PCCA: variants seen among roughly 807,000 people sequenced by gnomAD.
PCCA encodes propionyl-CoA carboxylase alpha chain, mitochondrial.
PCCA carries 74 observed loss-of-function variants against 101.3 expected under a neutral mutation model. That is an observed-to-expected ratio of 0.73 (90% confidence interval 0.61 to 0.89). The LOEUF is 0.89. Among genes scored for constraint, PCCA ranks in the 40% least tolerant of loss-of-function variants. PCCA has a pLI of 0.00. For synonymous variants in PCCA, 294 were observed against 313.6 expected (o/e 0.94, Z 0.66); for missense variants, 891 against 907.0 (o/e 0.98, Z 0.23).
chr13:100,276,002 A>T (rs1348971280), intron 12 of PCCA, among the ~76,000 whole-genome samples: 1 of 151,882 alleles, frequency 6.6e-6, no homozygotes, highest in Non-Finnish European at 1.5e-5. Context: ...TTTCTTTTAG[A>T]GGTTTACTTG....
intron 6 of PCCA, among the ~76,000 whole-genome samples, chr13:100,208,779 T>C (rs2059028299): frequency 6.6e-6 from 1 of 152,196 alleles, no homozygotes; most frequent in African/African-American, 2.4e-5. Flanking sequence ...TCATCTTTTA[T>C]AGTCACAGGA....
At chr13:100,245,596 T>C (rs2061387607) in intron 8 of PCCA, among the ~76,000 whole-genome samples, 1 of 152,208 alleles carries the variant, frequency 6.6e-6, no homozygotes, top group Non-Finnish European at 1.5e-5. Flanking sequence ...TGCAATGTCA[T>C]AGATTACAGA....
chr13:100,092,276 A>G (rs1394169402), intron 1 of PCCA, among the ~76,000 whole-genome samples: 1 of 152,224 alleles, frequency 6.6e-6, no homozygotes, highest in Non-Finnish European at 1.5e-5. Context: ...CCAATTTTAC[A>G]GTAGAGGAAA....
chr13:100,465,756 G>T (rs1416012989), intron 21 of PCCA, among the ~76,000 whole-genome samples: 1 of 152,200 alleles, frequency 6.6e-6, no homozygotes, highest in Non-Finnish European at 1.5e-5. Context: ...CCAAATGGCT[G>T]CACACAGCTT....
intron 1 of PCCA, among the ~76,000 whole-genome samples, chr13:100,102,163 T>C (rs935464994): frequency 1.3e-5 from 2 of 151,964 alleles, no homozygotes; most frequent in African/African-American, 4.8e-5. Context: ...CTCTTTTCAG[T>C]GGGGTCTTGC....
intron 21 of PCCA, among the ~76,000 whole-genome samples, chr13:100,494,486 C>A (rs12431335): frequency 0.23 from 35,579 of 151,704 alleles, 5,002 homozygotes; most frequent in East Asian, 0.55. Context: ...GAGTTTGAGA[C>A]CAGCCTGACC....
chr13:100,166,278 G>A (rs2055025935), intron 6 of PCCA, among the ~76,000 whole-genome samples: 1 of 152,024 alleles, frequency 6.6e-6, no homozygotes, highest in Non-Finnish European at 1.5e-5. Flanking sequence ...TTTTGAAATT[G>A]ATGCATGTAA....
intron 21 of PCCA, 117 bp from the exon 22 acceptor site, chr13:100,515,310 T>C: frequency 1.1e-6 from 1 of 872,320 alleles, no homozygotes; most frequent in South Asian, 1.4e-5. Flanking sequence ...CCATTTGAAT[T>C]TAAGGCTCTT....
At chr13:100,413,470 A>G (rs1185710568) in intron 19 of PCCA, among the ~76,000 whole-genome samples, 3 of 152,234 alleles carry the variant, frequency 2.0e-5, no homozygotes, top group Non-Finnish European at 1.5e-5. Flanking sequence ...AGGAGATATT[A>G]GTGAAGAACA....
intron 16 of PCCA, among the ~76,000 whole-genome samples, chr13:100,311,338 C>T (rs2066901395): frequency 6.6e-6 from 1 of 152,074 alleles, no homozygotes; most frequent in Admixed American, 6.6e-5. Flanking sequence ...GAGTGATAGT[C>T]TCTGCCTTAT....
At chr13:100,440,593 T>C (rs1457890479) in intron 20 of PCCA, among the ~76,000 whole-genome samples, 1 of 152,092 alleles carries the variant, frequency 6.6e-6, no homozygotes, top group African/African-American at 2.4e-5. Context: ...TTGCCTGTAC[T>C]TTGCTGGTAC....
intron 21 of PCCA, among the ~76,000 whole-genome samples, chr13:100,503,749 T>TA (rs1416328002): frequency 2.6e-5 from 4 of 151,324 alleles, no homozygotes; most frequent in East Asian, 3.9e-4. Context: ...ACAAAAAATT[T>TA]AAAAAAAAAT....
chr13:100,425,324 T>C (rs1158917788), intron 19 of PCCA, among the ~76,000 whole-genome samples: 1 of 152,224 alleles, frequency 6.6e-6, no homozygotes, highest in Non-Finnish European at 1.5e-5. Context: ...TTATATGCAT[T>C]ACTTGTCTAA....
intron 4 of PCCA, chr13:100,154,703 C>G (rs1363614481): frequency 5.0e-6 from 2 of 402,280 alleles, no homozygotes; most frequent in East Asian, 5.7e-5. Context: ...GAATAGGAAG[C>G]TAAAATTGTT....
At chr13:100,454,110 A>G (rs998760238) in intron 21 of PCCA, among the ~76,000 whole-genome samples, 1 of 151,842 alleles carries the variant, frequency 6.6e-6, no homozygotes, top group Non-Finnish European at 1.5e-5. Context: ...TGACCTCATC[A>G]TGATCCACCC....
chr13:100,456,950 C>T (rs188077407), intron 21 of PCCA, among the ~76,000 whole-genome samples: 1 of 152,090 alleles, frequency 6.6e-6, no homozygotes, highest in Non-Finnish European at 1.5e-5. Flanking sequence ...AAAGAGACTC[C>T]GTTTCGCGGT....
At chr13:100,348,237 CA>C (rs1404146511) in intron 18 of PCCA, among the ~76,000 whole-genome samples, 2 of 152,176 alleles carry the variant, frequency 1.3e-5, no homozygotes, top group African/African-American at 4.8e-5. Flanking sequence ...CTTATTTTCC[CA>C]ATTTCTCTAT....
intron 21 of PCCA, among the ~76,000 whole-genome samples, chr13:100,463,956 A>G (rs1191004758): frequency 1.3e-5 from 2 of 152,206 alleles, no homozygotes; most frequent in Admixed American, 6.5e-5. Context: ...CCACCTGCCA[A>G]AGATCTTCAA....
At chr13:100,122,981 C>G (rs764298108) in intron 4 of PCCA, among the ~76,000 whole-genome samples, 1 of 152,256 alleles carries the variant, frequency 6.6e-6, no homozygotes, top group South Asian at 2.1e-4. Flanking sequence ...TACAGTTAGT[C>G]AAGAGCTATA....
Sources: gnomAD v4.1 joint callset for allele counts (sites outside exome capture counted in the v4.1 genomes callset) on GRCh38, gnomAD v4.1.1 for gene constraint, MANE v1.5 for transcripts, NCBI Gene and HGNC (gene_info 2026-07-23, HGNC 2026-07-21) for gene names.